The following SGCD variants were observed in gnomAD, a reference collection of about 807,000 sequenced individuals.
SGCD encodes delta-sarcoglycan.
Under a neutral mutation model 36.6 loss-of-function variants are expected in SGCD, and 18 were observed. The observed-to-expected ratio is 0.49, with a 90% CI of 0.34 to 0.73. The LOEUF is 0.73. Among genes scored for constraint, SGCD ranks in the 30% least tolerant of loss-of-function variants. SGCD has a pLI of 0.01. For missense variants in SGCD, 387 were observed against 346.7 expected (o/e 1.12, Z -0.92); for synonymous variants, 133 against 130.6 (o/e 1.02, Z -0.12).
At chr5:156,546,307 G>T (rs1758568247) in intron 4 of SGCD, among the ~76,000 whole-genome samples, 1 of 152,054 alleles carries the variant, frequency 6.6e-6, no homozygotes, top group South Asian at 2.1e-4. Flanking sequence ...ACAAATGTTG[G>T]GGGTCACTTT....
intron 2 of SGCD, among the ~76,000 whole-genome samples, chr5:156,120,507 T>C (rs1427919630): frequency 6.6e-6 from 1 of 152,188 alleles, no homozygotes; most frequent in Non-Finnish European, 1.5e-5. Context: ...ATAAAGTCAC[T>C]ATTATCCTCT....
chr5:156,508,792 A>T (rs1028612874), intron 4 of SGCD, 90 bp downstream of exon 4: 11 of 736,870 alleles, frequency 1.5e-5, no homozygotes, highest in African/African-American at 1.4e-4. Context: ...AGTACAGAGA[A>T]TTGGGGTGGG....
At chr5:156,595,543 G>C (rs1760892718) in intron 6 of SGCD, among the ~76,000 whole-genome samples, 2 of 152,182 alleles carry the variant, frequency 1.3e-5, no homozygotes, top group Admixed American at 1.3e-4. Context: ...GAACCTCCCT[G>C]AGTCTGGTCC....
chr5:156,114,205 C>T (rs187597963), intron 1 of SGCD, among the ~76,000 whole-genome samples: 27 of 152,066 alleles, frequency 1.8e-4, no homozygotes, highest in South Asian at 1.7e-3. Flanking sequence ...AAATGTAGCA[C>T]GCCAGTTGGT....
chr5:156,343,642 G>A (rs1768787156), intron 2 of SGCD, among the ~76,000 whole-genome samples: 1 of 152,114 alleles, frequency 6.6e-6, no homozygotes, highest in Non-Finnish European at 1.5e-5. Context: ...CAACAGCAGG[G>A]ACTTGGAAAA....
At chr5:155,922,390 A>T (rs1469798639) in intron 1 of SGCD, among the ~76,000 whole-genome samples, 1 of 152,132 alleles carries the variant, frequency 6.6e-6, no homozygotes, top group Non-Finnish European at 1.5e-5. Context: ...TTCAGTCCTT[A>T]TTCCTCACAC....
intron 7 of SGCD, among the ~76,000 whole-genome samples, chr5:156,679,518 C>T (rs768499844): frequency 2.1e-4 from 32 of 152,286 alleles, no homozygotes; most frequent in Middle Eastern, 3.4e-3. Context: ...GTATGGAGCC[C>T]TGGAAGAGCA....
At chr5:155,790,031 A>T in the SGCD span, among the ~76,000 whole-genome samples, 1 of 152,050 alleles carries the variant, frequency 6.6e-6, no homozygotes, top group Non-Finnish European at 1.5e-5. Flanking sequence ...GGATCAAGTT[A>T]CCTTGATTAT....
intron 1 of SGCD, among the ~76,000 whole-genome samples, chr5:155,915,074 C>T (rs916940980): frequency 1.3e-5 from 2 of 152,022 alleles, no homozygotes; most frequent in Admixed American, 6.6e-5. Flanking sequence ...AGATGCAATC[C>T]CTGCTCTTAA....
At chr5:156,050,395 A>AT (rs968241285) in intron 1 of SGCD, among the ~76,000 whole-genome samples, 1 of 146,662 alleles carries the variant, frequency 6.8e-6, no homozygotes, top group Non-Finnish European at 1.5e-5. Context: ...TAAAGGGTAC[A>AT]TTTTTTATAC....
chr5:156,717,481 A>T (rs1755279959), intron 7 of SGCD, among the ~76,000 whole-genome samples: 1 of 152,148 alleles, frequency 6.6e-6, no homozygotes, highest in African/African-American at 2.4e-5. Context: ...TCTGCATTTG[A>T]GTTAACAATA....
At chr5:156,410,470 G>C (rs552605518) in intron 3 of SGCD, among the ~76,000 whole-genome samples, 1 of 152,242 alleles carries the variant, frequency 6.6e-6, no homozygotes, top group East Asian at 1.9e-4. Context: ...CCTCAGTGTC[G>C]TGCAATATAC....
At position 156,759,842 on chromosome 5, in the gene SGCD, C is replaced by T. The variant is rs944557781; in HGVS notation, c.*452C>T. ...AGGGAGTGATGGCGGGAATCTCAGT[C>T]GCACTCAAGCTCTGAGACCTTTGTA... is the stretch of plus-strand genomic sequence containing the variant. On this transcript the variant is annotated 3_prime_UTR_variant, in exon 9 of 9. Coordinates refer to ENST00000337851, the MANE Select transcript of SGCD (RefSeq NM_000337.6). The T allele has an allele frequency of 1.3e-5, 2 of 152,096 alleles. No individual in the cohort carries two copies. The highest frequency in any genetic ancestry group is 2.4e-5 in the African/African-American group (1 of 41,420). The allele number at this position is 152,096 out of a possible 1,614,324, so 9.4% of individuals were successfully genotyped here.
At chr5:155,781,942 T>C in the SGCD span, among the ~76,000 whole-genome samples, 1 of 152,068 alleles carries the variant, frequency 6.6e-6, no homozygotes, top group Non-Finnish European at 1.5e-5. Flanking sequence ...AGGGGTCTTA[T>C]GGAGGGAAGG....
At chr5:156,348,011 G>A (rs1416106607) in intron 3 of SGCD, among the ~76,000 whole-genome samples, 3 of 152,162 alleles carry the variant, frequency 2.0e-5, no homozygotes, top group African/African-American at 7.2e-5. Flanking sequence ...TAGAACTGAA[G>A]TGTTAGAAAA....
rs1029589483 is a variant in SGCD at position 156,763,487 on chromosome 5, T to C, written c.*4097T>C. On this transcript the variant is annotated 3_prime_UTR_variant, in exon 9 of 9. Coordinates refer to ENST00000337851, the MANE Select transcript of SGCD (RefSeq NM_000337.6). ...AGTGAAATTCTTTTTATCAAACTGA[T>C]GCTGTGAGAAACCAGATGAATGCCA... 1 of 152,472 alleles carries C rather than the reference T, an allele frequency of 6.6e-6. No homozygotes were observed. The highest frequency in any genetic ancestry group is 1.5e-5 in the Non-Finnish European group (1 of 68,030). 9.4% of individuals were successfully genotyped at this position (152,472 alleles called of 1,614,324 possible).
chr5:156,362,066 G>C (rs1769825874), intron 3 of SGCD, among the ~76,000 whole-genome samples: 1 of 152,166 alleles, frequency 6.6e-6, no homozygotes, highest in African/African-American at 2.4e-5. Context: ...CTTAGAGTAG[G>C]CTGTCTATGT....
chr5:156,272,461 T>C (rs1766206380), intron 3 of SGCD, among the ~76,000 whole-genome samples: 1 of 152,240 alleles, frequency 6.6e-6, no homozygotes, highest in South Asian at 2.1e-4. Context: ...TTTGCAATTA[T>C]GAATTGTGCT....
At chr5:156,598,040 G>C (rs1761005928) in intron 6 of SGCD, among the ~76,000 whole-genome samples, 1 of 152,144 alleles carries the variant, frequency 6.6e-6, no homozygotes, top group South Asian at 2.1e-4. Context: ...CATTGCCCAA[G>C]ATCAAGTGCC....
Sources: allele counts gnomAD v4.1 joint callset (sites outside exome capture counted in the v4.1 genomes callset), GRCh38; gene constraint gnomAD v4.1.1; transcripts MANE v1.5; gene names NCBI Gene and HGNC (gene_info 2026-07-23, HGNC 2026-07-21).